Variants in MMP26 observed in about 807,000 individuals in gnomAD.
MMP26 encodes matrix metalloproteinase-26.
MMP26 carries 33 observed loss-of-function variants against 31.0 expected under a neutral mutation model. The observed-to-expected ratio is 1.06, with a 90% CI of 0.81 to 1.42. The LOEUF is 1.42. MMP26 is among the 40% of genes most tolerant of loss of function. MMP26 has a pLI of 0.00. For synonymous variants in MMP26, 122 were observed against 114.9 expected (o/e 1.06, Z -0.40); for missense variants, 347 against 316.1 (o/e 1.10, Z -0.74).
chr11:4,765,607 G>A (rs1204903312), intron 1 of MMP26, among the ~76,000 whole-genome samples: 1 of 152,082 alleles, frequency 6.6e-6, no homozygotes, highest in Non-Finnish European at 1.5e-5. Flanking sequence ...GGCTTTTGGT[G>A]GTTACCTACT....
intron 2 of MMP26, among the ~76,000 whole-genome samples, chr11:4,837,424 C>G (rs965821918): frequency 1.3e-5 from 2 of 152,036 alleles, no homozygotes; most frequent in African/African-American, 4.8e-5. Context: ...GTTGTCCAGC[C>G]TGGTCTCAAA....
chr11:4,872,733 C>G (rs145721897), intron 2 of MMP26, among the ~76,000 whole-genome samples: 3 of 151,988 alleles, frequency 2.0e-5, no homozygotes, highest in East Asian at 1.9e-4. Flanking sequence ...AAGTTCAATA[C>G]TACATAGAAG....
chr11:4,895,268 AT>A (rs1231623844), intron 2 of MMP26, among the ~76,000 whole-genome samples: 1 of 152,186 alleles, frequency 6.6e-6, no homozygotes, highest in Non-Finnish European at 1.5e-5. Flanking sequence ...CAACAACCCG[AT>A]TATGCCAAAT....
intron 2 of MMP26, among the ~76,000 whole-genome samples, chr11:4,782,583 A>G (rs1490188642): frequency 6.6e-6 from 1 of 152,242 alleles, no homozygotes; most frequent in Non-Finnish European, 1.5e-5. Flanking sequence ...GAGAAATCCA[A>G]GCCAGCTGCA....
chr11:4,793,041 AC>A (rs1206627708), intron 2 of MMP26, among the ~76,000 whole-genome samples: 1 of 152,212 alleles, frequency 6.6e-6, no homozygotes, highest in Non-Finnish European at 1.5e-5. Flanking sequence ...GACCTATCTT[AC>A]TGATAATTAA....
chr11:4,835,575 A>G (rs1849707271), intron 2 of MMP26, among the ~76,000 whole-genome samples: 1 of 152,130 alleles, frequency 6.6e-6, no homozygotes, highest in Admixed American at 6.6e-5. Flanking sequence ...AGAGAGTGGG[A>G]AAAAGGAGAG....
intron 2 of MMP26, among the ~76,000 whole-genome samples, chr11:4,820,240 G>T (rs1020753257): frequency 6.6e-6 from 1 of 152,080 alleles, no homozygotes; most frequent in East Asian, 1.9e-4. Flanking sequence ...ATAATTTGGG[G>T]CAAATTACTT....
Position 4,931,210 on chromosome 11 carries a change from G to A in MMP26, c.-144-56858G>A, listed in dbSNP as rs73407030. On this transcript the variant is annotated intron_variant, in intron 2 of 7. Transcript: ENST00000380390. ...GAGTATGAAGAGCAAAGTGAGACAG[G>A]GTTCTGGAAGGGTTATCCATGGGGA... Among the ~76,000 whole-genome samples the A allele has an allele frequency of 2.9e-3, 443 of 152,120 alleles. 1 individual carries two copies. The highest frequency in any genetic ancestry group is 0.01 in the African/African-American group (430 of 41,532).
intron 2 of MMP26, among the ~76,000 whole-genome samples, chr11:4,778,795 T>G (rs1848822075): frequency 1.3e-5 from 2 of 152,076 alleles, no homozygotes; most frequent in African/African-American, 4.8e-5. Flanking sequence ...GTTTTTTCTA[T>G]CAAAACCTTT....
chr11:4,716,142 G>T (rs1847927496), intron 1 of MMP26, among the ~76,000 whole-genome samples: 1 of 152,130 alleles, frequency 6.6e-6, no homozygotes, highest in African/African-American at 2.4e-5. Flanking sequence ...AATTCCTACG[G>T]CAATCTGAGT....
At chr11:4,891,423 A>G (rs970727398) in intron 2 of MMP26, among the ~76,000 whole-genome samples, 1 of 152,148 alleles carries the variant, frequency 6.6e-6, no homozygotes, top group Non-Finnish European at 1.5e-5. Context: ...GGACAGTACC[A>G]AGCCATGAGG....
chr11:4,790,012 C>T (rs1849002205), intron 2 of MMP26, among the ~76,000 whole-genome samples: 1 of 151,986 alleles, frequency 6.6e-6, no homozygotes, highest in Non-Finnish European at 1.5e-5. Flanking sequence ...TAGATGGATG[C>T]ACACATATTG....
intron 2 of MMP26, among the ~76,000 whole-genome samples, chr11:4,906,038 A>T (rs1160111403): frequency 6.6e-6 from 1 of 152,198 alleles, no homozygotes; most frequent in South Asian, 2.1e-4. Flanking sequence ...AGATTAAATA[A>T]TCCAATCAAG....
At chr11:4,793,510 C>A (rs1564910950) in intron 2 of MMP26, among the ~76,000 whole-genome samples, 1 of 152,146 alleles carries the variant, frequency 6.6e-6, no homozygotes, top group Non-Finnish European at 1.5e-5. Flanking sequence ...CTAAGACATT[C>A]TATGTCTGTG....
chr11:4,908,240 T>C, intron 2 of MMP26: 1 of 1,614,174 alleles, frequency 6.2e-7, no homozygotes, highest in South Asian at 1.1e-5. Flanking sequence ...CCCCATTGTG[T>C]ACTGTGTAAA....
At chr11:4,865,923 T>G (rs75689246) in intron 2 of MMP26, among the ~76,000 whole-genome samples, 4,235 of 152,224 alleles carry the variant, frequency 0.028, 212 homozygotes, top group African/African-American at 0.095. Context: ...GGCTTTATGA[T>G]AAATTATTCA....
At chr11:4,907,966 C>T in intron 2 of MMP26, 1 of 1,614,092 alleles carries the variant, frequency 6.2e-7, no homozygotes, top group African/African-American at 1.3e-5. Context: ...TCATCTATGG[C>T]TTCTTCATTG....
chr11:4,906,508 T>C (rs1169072086), intron 2 of MMP26, among the ~76,000 whole-genome samples: 2 of 152,214 alleles, frequency 1.3e-5, no homozygotes, highest in African/African-American at 4.8e-5. Flanking sequence ...ATGTATAAAA[T>C]GTGCATAAGT....
At chr11:4,981,208 A>G (rs1371518541) in intron 2 of MMP26, among the ~76,000 whole-genome samples, 2 of 152,216 alleles carry the variant, frequency 1.3e-5, no homozygotes, top group East Asian at 1.9e-4. Context: ...AAGCATGTAT[A>G]ATTTTTATAA....
Sources: gnomAD v4.1 joint callset for allele counts (sites outside exome capture counted in the v4.1 genomes callset) on GRCh38, gnomAD v4.1.1 for gene constraint, MANE v1.5 for transcripts, NCBI Gene and HGNC (gene_info 2026-07-23, HGNC 2026-07-21) for gene names.